Variants in SPAG16 observed in about 807,000 individuals in gnomAD.
The protein encoded by SPAG16 is sperm associated antigen 16, also known as sperm-associated antigen 16 protein.
Under a neutral mutation model 80.4 loss-of-function variants are expected in SPAG16, and 86 were observed. That is an observed-to-expected ratio of 1.07 (90% CI 0.90 to 1.28). SPAG16 has a LOEUF of 1.28. Among genes scored for constraint, SPAG16 ranks in the 50% most tolerant of loss-of-function variants. The probability of loss-of-function intolerance (pLI) is 0.00; values close to 1 mark genes in which losing one functional copy is unlikely to be tolerated. For synonymous variants in SPAG16, 294 were observed against 265.9 expected (o/e 1.11, Z -1.03); for missense variants, 870 against 765.3 (o/e 1.14, Z -1.61).
At chr2:214,198,778 T>G (rs1008475465) in intron 15 of SPAG16, among the ~76,000 whole-genome samples, 17 of 152,120 alleles carry the variant, frequency 1.1e-4, no homozygotes, top group Non-Finnish European at 1.6e-4. Context: ...ATTTTTTTTA[T>G]TCTTAATTAT....
chr2:214,312,865 T>C (rs1334664777), intron 15 of SPAG16, among the ~76,000 whole-genome samples: 3 of 152,182 alleles, frequency 2.0e-5, no homozygotes, highest in African/African-American at 4.8e-5. Flanking sequence ...CTTGCTTTTT[T>C]TGAAGCAGAT....
At chr2:213,560,437 A>G (rs1047744132) in intron 10 of SPAG16, among the ~76,000 whole-genome samples, 2 of 152,148 alleles carry the variant, frequency 1.3e-5, no homozygotes, top group Non-Finnish European at 2.9e-5. Context: ...ATATAAAGTA[A>G]TATCAATGGA....
At chr2:214,183,681 C>T (rs2057375842) in intron 15 of SPAG16, among the ~76,000 whole-genome samples, 1 of 152,048 alleles carries the variant, frequency 6.6e-6, no homozygotes, top group South Asian at 2.1e-4. Flanking sequence ...AGCCCTATCA[C>T]TCCTGTCTCA....
At chr2:213,776,956 A>T (rs973309959) in intron 10 of SPAG16, among the ~76,000 whole-genome samples, 1 of 151,878 alleles carries the variant, frequency 6.6e-6, no homozygotes, top group Non-Finnish European at 1.5e-5. Context: ...TAGTGGAAAA[A>T]AAGGTAAACT....
intron 9 of SPAG16, among the ~76,000 whole-genome samples, chr2:213,376,434 A>G (rs1474443903): frequency 6.6e-6 from 1 of 152,070 alleles, no homozygotes; most frequent in Non-Finnish European, 1.5e-5. Flanking sequence ...GCATTCTGAT[A>G]TTTAACGTAA....
At chr2:213,356,800 GTGTT>G (rs1256630907) in intron 7 of SPAG16, among the ~76,000 whole-genome samples, 1 of 152,082 alleles carries the variant, frequency 6.6e-6, no homozygotes, top group Non-Finnish European at 1.5e-5. Context: ...GCTTTTGAAT[GTGTT>G]TGTTCTTGCT....
chr2:213,901,625 C>T (rs1379539615), intron 11 of SPAG16, among the ~76,000 whole-genome samples: 1 of 151,990 alleles, frequency 6.6e-6, no homozygotes, highest in African/African-American at 2.4e-5. Context: ...AACATGTAAA[C>T]TTGTACAGGA....
At chr2:214,095,934 A>G (rs1331457751) in intron 13 of SPAG16, among the ~76,000 whole-genome samples, 1 of 152,040 alleles carries the variant, frequency 6.6e-6, no homozygotes, top group Non-Finnish European at 1.5e-5. Context: ...CCTATTAAAA[A>G]TAATAATAGT....
chr2:214,041,999 T>C (rs1240208286), intron 13 of SPAG16, among the ~76,000 whole-genome samples: 1 of 130,788 alleles, frequency 7.6e-6, no homozygotes, highest in African/African-American at 2.9e-5. Context: ...TATATATATA[T>C]ATATATATAC....
intron 8 of SPAG16, 63 bp downstream of exon 8, chr2:213,364,208 G>T (rs1240620342): frequency 1.1e-6 from 1 of 947,590 alleles, no homozygotes. Context: ...AACCTTATCA[G>T]TGATTAATAT....
rs113535341 is a variant in SPAG16, at chr2:213,451,858, A to G, written c.943-38105A>G. 5.7e-3 allele frequency among the ~76,000 whole-genome samples: 873 copies of G among 152,210 alleles called. 3 individuals are homozygous for G. Among genetic ancestry groups the G allele is most frequent in the Non-Finnish European group, 9.9e-3 (672 of 68,008 alleles). On this transcript the variant is annotated intron_variant, in intron 9 of 15. Coordinates refer to ENST00000331683, the MANE Select transcript of SPAG16 (RefSeq NM_024532.5). ...GCGCTGCTTATCTGAGCATGCTAAA[A>G]GGGAGGGAGAGTTTCTGTGCCTGTT...
At chr2:213,407,596 G>GGAGAGA (rs66674310) in intron 9 of SPAG16, among the ~76,000 whole-genome samples, 167 of 102,082 alleles carry the variant, frequency 1.6e-3, no homozygotes, top group Middle Eastern at 5.3e-3. Flanking sequence ...GAGAGAGACA[G>GGAGAGA]GAGAGAGAGA....
At chr2:214,013,627 T>A (rs890704379) in intron 12 of SPAG16, among the ~76,000 whole-genome samples, 3 of 152,166 alleles carry the variant, frequency 2.0e-5, no homozygotes, top group African/African-American at 7.2e-5. Flanking sequence ...TAGTGCAAAA[T>A]TTTTTAAACA....
intron 10 of SPAG16, among the ~76,000 whole-genome samples, chr2:213,788,649 A>G (rs2070493083): frequency 1.3e-5 from 2 of 151,970 alleles, no homozygotes; most frequent in African/African-American, 4.8e-5. Flanking sequence ...TTTCACAGGA[A>G]GGCCTTAGAA....
At chr2:213,865,359 C>T (rs1559534117) in intron 11 of SPAG16, among the ~76,000 whole-genome samples, 1 of 151,712 alleles carries the variant, frequency 6.6e-6, no homozygotes, top group Non-Finnish European at 1.5e-5. Context: ...TTTTAAGACA[C>T]ATGTAAATGA....
chr2:214,103,974 AGG>A (rs1166013061), intron 13 of SPAG16, among the ~76,000 whole-genome samples: 1 of 151,736 alleles, frequency 6.6e-6, no homozygotes, highest in African/African-American at 2.4e-5. Context: ...TGAGAGAGGG[AGG>A]GAGAGAGAGA....
chr2:213,566,570 A>G lies in SPAG16; in HGVS notation c.1070+76480A>G, dbSNP rs149455624. ...ATTATTTTATTATAAGTAAATTGCT[A>G]TGCTTCACAGTAATTTCTGACCATG... is the stretch of plus-strand genomic sequence containing the variant. On this transcript the variant is annotated intron_variant, in intron 10 of 15. Coordinates refer to ENST00000331683, the MANE Select transcript of SPAG16 (RefSeq NM_024532.5). Among the ~76,000 whole-genome samples, 1,352 of 152,324 alleles carry G rather than the reference A, an allele frequency of 8.9e-3. 20 individuals are homozygous for G. Among genetic ancestry groups the G allele is most frequent in the African/African-American group, 0.031 (1,296 of 41,580 alleles).
chr2:213,437,899 G>C (rs1253043483), intron 9 of SPAG16, among the ~76,000 whole-genome samples: 2 of 152,158 alleles, frequency 1.3e-5, no homozygotes, highest in African/African-American at 4.8e-5. Context: ...TCTTTTGGTT[G>C]CAAGTGGCAG....
At chr2:214,009,856 C>T (rs746493023) in intron 12 of SPAG16, among the ~76,000 whole-genome samples, 78 of 152,082 alleles carry the variant, frequency 5.1e-4, no homozygotes, top group Non-Finnish European at 1.0e-3. Flanking sequence ...CTTTAGAAAA[C>T]AGCTATCCCC....
Sources: allele counts gnomAD v4.1 joint callset (sites outside exome capture counted in the v4.1 genomes callset), GRCh38; gene constraint gnomAD v4.1.1; transcripts MANE v1.5; gene names NCBI Gene and HGNC (gene_info 2026-07-23, HGNC 2026-07-21).